The following LDB2 variants were observed in gnomAD, a reference collection of about 807,000 sequenced individuals.
LDB2 encodes the protein LIM domain binding 2.
Under a neutral mutation model 44.3 loss-of-function variants are expected in LDB2, and 12 were observed. The observed-to-expected ratio is 0.27, with a 90% confidence interval of 0.17 to 0.44. The LOEUF is 0.44. Ranked by LOEUF, LDB2 falls within the 20% of genes least tolerant of loss-of-function variation. The pLI is 1.00. For missense variants in LDB2, 344 were observed against 473.5 expected, an observed-to-expected ratio of 0.73 and a Z score of 2.54; for synonymous variants, 164 against 174.8, an observed-to-expected ratio of 0.94 and a Z score of 0.49.
At position 16,739,676 on chromosome 4, in the gene LDB2, G is replaced by GTGTATATATGTATATATACATATA. The variant is rs1561055951; in HGVS notation, c.235+19481_235+19482insTATATGTATATATACATATATACA. 1.1e-3 allele frequency among the ~76,000 whole-genome samples: 56 copies of GTGTATATATGTATATATACATATA among 52,200 alleles called. 13 individuals carry two copies. The highest frequency in any genetic ancestry group is 1.9e-3 in the Non-Finnish European group (47 of 24,948). 34.2% of individuals were successfully genotyped at this position (52,200 alleles called of 152,430 possible). A position where few individuals can be genotyped will look rare whatever the true frequency, so the allele number is the denominator to read the frequency against. ...TGTGTATATATGTATATATACATAT[G>GTGTATATATGTATATATACATATA]TGTGTATATATGTATATATACATAT... On this transcript the variant is annotated intron_variant, in intron 2 of 7. Coordinates refer to ENST00000304523, the MANE Select transcript of LDB2 (RefSeq NM_001290.5).
At chr4:16,722,429 G>GGT (rs1360104493) in intron 2 of LDB2, among the ~76,000 whole-genome samples, 3 of 152,048 alleles carry the variant, frequency 2.0e-5, no homozygotes, top group African/African-American at 7.2e-5. Flanking sequence ...ACACCTCTCA[G>GGT]GACCCTTTAG....
At chr4:16,760,464 G>T (rs1033283816) in intron 1 of LDB2, among the ~76,000 whole-genome samples, 15 of 152,092 alleles carry the variant, frequency 9.9e-5, no homozygotes, top group African/African-American at 3.1e-4. Context: ...TCTCTCTTTG[G>T]CTTCCTTCCA....
At chr4:16,863,238 T>C (rs1713345098) in intron 1 of LDB2, among the ~76,000 whole-genome samples, 1 of 152,158 alleles carries the variant, frequency 6.6e-6, no homozygotes, top group Non-Finnish European at 1.5e-5. Flanking sequence ...GTGCCAAAGA[T>C]AGAGAAAGCA....
At chr4:16,669,447 T>A (rs1412270606) in intron 2 of LDB2, among the ~76,000 whole-genome samples, 1 of 152,220 alleles carries the variant, frequency 6.6e-6, no homozygotes, top group Non-Finnish European at 1.5e-5. Flanking sequence ...GACCCTCATT[T>A]TTAATCAAGT....
chr4:16,688,278 T>A (rs1296655521), intron 2 of LDB2, among the ~76,000 whole-genome samples: 4 of 152,136 alleles, frequency 2.6e-5, no homozygotes, highest in African/African-American at 9.7e-5. Context: ...AAATAAAAAA[T>A]TTTTGAATAA....
At chr4:16,761,323 GA>G (rs1767867570) in intron 1 of LDB2, among the ~76,000 whole-genome samples, 2 of 152,200 alleles carry the variant, frequency 1.3e-5, no homozygotes, top group African/African-American at 4.8e-5. Flanking sequence ...ACATTTCCCT[GA>G]CAGTCTTTGA....
intron 7 of LDB2, chr4:16,506,745 T>TTTGTTGTTG (rs35973520): frequency 6.6e-6 from 1 of 151,424 alleles, no homozygotes; most frequent in African/African-American, 2.4e-5. Flanking sequence ...ATGACAGGGC[T>TTTGTTGTTG]TTGTTGTTGT....
At chr4:16,519,519 TG>T (rs892361834) in intron 5 of LDB2, among the ~76,000 whole-genome samples, 3 of 151,846 alleles carry the variant, frequency 2.0e-5, no homozygotes, top group Non-Finnish European at 4.4e-5. Flanking sequence ...AGCCTTTCAC[TG>T]TTTTTGTGTT....
intron 2 of LDB2, among the ~76,000 whole-genome samples, chr4:16,707,524 G>A (rs1754868546): frequency 6.6e-6 from 1 of 152,140 alleles, no homozygotes; most frequent in African/African-American, 2.4e-5. Flanking sequence ...CATTTCACGT[G>A]ATAATTTCGA....
At position 16,810,313 on chromosome 4, in the gene LDB2, C is replaced by CA. The variant is rs1171752984; in HGVS notation, c.133-51054dup. ...AGAAACCCTCCAAAATCATCCTACC[C>CA]ACGGGGGTCCCTACAATCTCAAACT... On this transcript the variant is annotated intron_variant, in intron 1 of 7. Transcript: ENST00000304523. Among the ~76,000 whole-genome samples, 9 of 152,296 alleles carry CA rather than the reference C, an allele frequency of 5.9e-5. No homozygotes were observed. The East Asian group carries it at 1.7e-3, about 29-fold the overall frequency.
chr4:16,896,996 G>A (rs1317978065), intron 1 of LDB2, among the ~76,000 whole-genome samples: 3 of 152,186 alleles, frequency 2.0e-5, no homozygotes, highest in Non-Finnish European at 4.4e-5. Flanking sequence ...CATATTTAGC[G>A]TCTATGGTGT....
At chr4:16,868,721 T>A (rs1347298507) in intron 1 of LDB2, among the ~76,000 whole-genome samples, 1 of 152,198 alleles carries the variant, frequency 6.6e-6, no homozygotes, top group Non-Finnish European at 1.5e-5. Context: ...AGGACACCAA[T>A]TGCCAAAGAC....
intron 2 of LDB2, among the ~76,000 whole-genome samples, chr4:16,694,031 C>T (rs1751507991): frequency 6.6e-6 from 1 of 152,204 alleles, no homozygotes; most frequent in African/African-American, 2.4e-5. Flanking sequence ...AGCACTGAGA[C>T]AAGTAGAAGC....
chr4:16,697,376 A>G (rs1752412318), intron 2 of LDB2, among the ~76,000 whole-genome samples: 1 of 150,918 alleles, frequency 6.6e-6, no homozygotes, highest in Non-Finnish European at 1.5e-5. Context: ...AATGGCGTGA[A>G]TCTGGGAGGC....
chr4:16,558,776 A>T (rs1466321256), intron 5 of LDB2, among the ~76,000 whole-genome samples: 1 of 152,162 alleles, frequency 6.6e-6, no homozygotes, highest in Non-Finnish European at 1.5e-5. Context: ...ACCAAAGTTG[A>T]AATGAAGGAA....
chr4:16,791,551 G>A (rs1421952715), intron 1 of LDB2, among the ~76,000 whole-genome samples: 3 of 4,264 alleles, frequency 7.0e-4, no homozygotes, highest in Non-Finnish European at 6.6e-3. Flanking sequence ...CGAGACTCTG[G>A]CTCAGAAAAA....
intron 1 of LDB2, among the ~76,000 whole-genome samples, chr4:16,866,206 G>A (rs1714655893): frequency 6.6e-6 from 1 of 152,058 alleles, no homozygotes; most frequent in African/African-American, 2.4e-5. Flanking sequence ...CATCAATATG[G>A]AAAATACACA....
intron 2 of LDB2, among the ~76,000 whole-genome samples, chr4:16,634,258 C>T (rs1217013236): frequency 1.1e-5 from 1 of 90,002 alleles, no homozygotes; most frequent in African/African-American, 4.1e-5. Flanking sequence ...CCAAAATTGA[C>T]AAATGGGATC....
intron 5 of LDB2, among the ~76,000 whole-genome samples, chr4:16,572,743 G>T (rs1228435946): frequency 6.6e-6 from 1 of 152,062 alleles, no homozygotes; most frequent in Admixed American, 6.5e-5. Context: ...GTAGTCATAT[G>T]TACTACTTTT....
Sources: allele counts gnomAD v4.1 joint callset (sites outside exome capture counted in the v4.1 genomes callset), GRCh38; gene constraint gnomAD v4.1.1; transcripts MANE v1.5; gene names NCBI Gene and HGNC (gene_info 2026-07-23, HGNC 2026-07-21).